Variants in DNAH7 observed in about 807,000 individuals in gnomAD.
DNAH7 encodes the protein dynein axonemal heavy chain 7.
Under a neutral mutation model 444.6 loss-of-function variants are expected in DNAH7, and 397 were observed. The ratio of observed to expected loss-of-function variants is 0.89; its 90% confidence interval spans 0.82 to 0.97. The LOEUF (loss-of-function observed/expected upper bound fraction) is 0.97. Ranked by LOEUF, DNAH7 falls within the 50% of genes least tolerant of loss-of-function variation. The pLI, the probability that DNAH7 is intolerant of heterozygous loss-of-function variation, is 0.00. For synonymous variants in DNAH7, 1,636 were observed against 1,624.4 expected (o/e 1.01, Z -0.17); for missense variants, 4,902 against 4,800.8 (o/e 1.02, Z -0.62).
chr2:195,911,955 A>T (rs1182025176), intron 24 of DNAH7, among the ~76,000 whole-genome samples: 2 of 152,200 alleles, frequency 1.3e-5, no homozygotes. Context: ...ATTAATAGTA[A>T]AAAATATGTA....
At chr2:195,900,801 T>G (rs1353246190) in intron 27 of DNAH7, 2 of 212,122 alleles carry the variant, frequency 9.4e-6, no homozygotes, top group African/African-American at 4.7e-5. Flanking sequence ...AGAGAAGAAT[T>G]TGAATGTTTC....
intron 54 of DNAH7, among the ~76,000 whole-genome samples, chr2:195,803,818 CTCT>C (rs1326101951): frequency 6.6e-6 from 1 of 152,208 alleles, no homozygotes; most frequent in African/African-American, 2.4e-5. Flanking sequence ...TGGCCAGAAG[CTCT>C]TCATTTTGTA....
At chr2:196,009,622 A>C (rs1212575063) in intron 10 of DNAH7, among the ~76,000 whole-genome samples, 1 of 152,186 alleles carries the variant, frequency 6.6e-6, no homozygotes, top group Non-Finnish European at 1.5e-5. Context: ...TGTGTTGAGG[A>C]ATACCTAAAA....
At position 195,796,643 on chromosome 2, in the gene DNAH7, G is replaced by A. The variant is rs779073817; in HGVS notation, c.10448C>T (p.Thr3483Ile). ...GTGACAATTCTGAAGAACAACCCAT[G>A]TTCCTTCCTTGACAGCTTTTTCTAA... ...KMLEKAVKEG[T>I]WVVLQNCHLA... Residue 3483 changes from threonine (T) to isoleucine (I), a missense_variant, in exon 56 of 65, where the codon ACA becomes ATA. Coordinates refer to ENST00000312428, the MANE Select transcript of DNAH7 (RefSeq NM_018897.3). 6 of 1,614,168 alleles carry A rather than the reference G, an allele frequency of 3.7e-6. No individual in the cohort carries two copies. In the South Asian group the frequency reaches 6.6e-5, roughly 18 times the overall value.
intron 19 of DNAH7, among the ~76,000 whole-genome samples, chr2:195,953,005 A>T (rs969124861): frequency 7.9e-5 from 12 of 152,072 alleles, no homozygotes; most frequent in African/African-American, 2.9e-4. Flanking sequence ...TTTGGAGGAG[A>T]AGAGGCATTC....
chr2:196,019,125 T>G, intron 9 of DNAH7, 45 bp downstream of exon 9: 1 of 1,378,152 alleles, frequency 7.3e-7, no homozygotes, highest in African/African-American at 1.5e-5. Flanking sequence ...GTAAAACAAC[T>G]TCCCTCTATA....
intron 45 of DNAH7, 52 bp downstream of exon 45, chr2:195,855,759 C>T: frequency 6.3e-7 from 1 of 1,589,442 alleles, no homozygotes; most frequent in Non-Finnish European, 8.6e-7. Context: ...GAACATCATT[C>T]TTAGTTACGA....
At chr2:195,972,155 C>T (rs906239604) in intron 16 of DNAH7, 87 bp downstream of exon 16, 9 of 1,114,966 alleles carry the variant, frequency 8.1e-6, no homozygotes, top group African/African-American at 1.6e-5. Flanking sequence ...AAAGTATGCA[C>T]TCAAATAAAA....
At chr2:195,781,445 T>A (rs1481407981) in intron 58 of DNAH7, among the ~76,000 whole-genome samples, 1 of 152,082 alleles carries the variant, frequency 6.6e-6, no homozygotes, top group Non-Finnish European at 1.5e-5. Context: ...CCAGGGCCAA[T>A]TAAATTGAGG....
At chr2:196,050,934 A>T (rs1199652697) in intron 3 of DNAH7, among the ~76,000 whole-genome samples, 1 of 152,204 alleles carries the variant, frequency 6.6e-6, no homozygotes, top group East Asian at 1.9e-4. Context: ...TCCAACGCTA[A>T]TACTCCTTTT....
At chr2:196,018,043 C>T (rs1487074867) in intron 9 of DNAH7, among the ~76,000 whole-genome samples, 1 of 152,046 alleles carries the variant, frequency 6.6e-6, no homozygotes, top group Non-Finnish European at 1.5e-5. Context: ...TGATTTGTTT[C>T]AGGTACTAGA....
At position 195,839,002 on chromosome 2, in the gene DNAH7, T is replaced by C. The variant is rs541386079; in HGVS notation, c.8946-4642A>G. 2.0e-5 allele frequency among the ~76,000 whole-genome samples: 3 copies of C among 151,994 alleles called. No individual in the cohort carries two copies. The South Asian group carries it at 6.2e-4, about 32-fold the overall frequency. ...AAAACTAGCAAGGATATTGAAGCCA[T>C]GAACAACAGTATCAAGCAATTCAAC... On this transcript the variant is annotated intron_variant, in intron 47 of 64. Coordinates refer to ENST00000312428, the MANE Select transcript of DNAH7 (RefSeq NM_018897.3).
At chr2:195,854,446 T>C (rs1022379590) in intron 45 of DNAH7, among the ~76,000 whole-genome samples, 3 of 152,236 alleles carry the variant, frequency 2.0e-5, no homozygotes, top group Admixed American at 6.5e-5. Context: ...TGTATAATTC[T>C]GTATCAATTT....
Position 195,873,632 on chromosome 2 carries a change from C to T in DNAH7, c.6349G>A (p.Glu2117Lys), listed in dbSNP as rs769204109. ...GTATACATGGATTTATCACTAAACT[C>T]ATTGATTGTTATAATATTGAAATGT... is the stretch of plus-strand genomic sequence containing the variant. ...MRHFNIITIN[E>K]FSDKSMYTIF... Residue 2117 changes from glutamate to lysine, a missense_variant, in exon 39 of 65, where the codon GAG becomes AAG. Coordinates refer to ENST00000312428, the MANE Select transcript of DNAH7 (RefSeq NM_018897.3). 1 of 1,527,630 alleles carries T rather than the reference C, an allele frequency of 6.5e-7. No individual in the cohort carries two copies. Among genetic ancestry groups the T allele is most frequent in the South Asian group, 1.3e-5 (1 of 76,268 alleles). The allele number at this position is 1,527,630 out of a possible 1,614,324, so 94.6% of individuals were successfully genotyped here.
At chr2:195,749,147 C>G (rs1693622747) in intron 63 of DNAH7, among the ~76,000 whole-genome samples, 1 of 152,120 alleles carries the variant, frequency 6.6e-6, no homozygotes, top group African/African-American at 2.4e-5. Flanking sequence ...AAGAAAAAAA[C>G]AACCCCATCA....
intron 5 of DNAH7, among the ~76,000 whole-genome samples, chr2:196,034,086 A>G (rs1367422440): frequency 6.6e-6 from 1 of 152,242 alleles, no homozygotes; most frequent in African/African-American, 2.4e-5. Context: ...AAAAGAAAAA[A>G]GCATCCAAGT....
rs1319919589 is a variant in DNAH7, at chr2:196,047,444, A to G, written c.306T>C (p.Asp102=). 1 of 1,604,220 alleles carries G rather than the reference A, an allele frequency of 6.2e-7. No individual in the cohort carries two copies. The change falls in exon 5 of 65, where the codon GAT becomes GAC. Residue 102 remains aspartate, a synonymous_variant. Transcript: ENST00000312428. ...KKGKLPHQVD[D]SYVGPSTSKS... ...TGGAAGTAGATGGTCCAACATAACT[A>G]TCATCAACTTGGTGGGGTAATTTGC... is the stretch of plus-strand genomic sequence containing the variant.
At chr2:196,068,186 T>C (rs1698533815) in intron 1 of DNAH7, among the ~76,000 whole-genome samples, 1 of 152,242 alleles carries the variant, frequency 6.6e-6, no homozygotes, top group Non-Finnish European at 1.5e-5. Flanking sequence ...ATTGTATAGT[T>C]ATGGTATGGC....
At chr2:195,755,670 T>C (rs10204401) in intron 62 of DNAH7, among the ~76,000 whole-genome samples, 1 of 152,222 alleles carries the variant, frequency 6.6e-6, no homozygotes, top group Non-Finnish European at 1.5e-5. Flanking sequence ...GAGTTGTTAA[T>C]AAGAACATAG....
Sources: gnomAD v4.1 joint callset for allele counts (sites outside exome capture counted in the v4.1 genomes callset) on GRCh38, gnomAD v4.1.1 for gene constraint, MANE v1.5 for transcripts, NCBI Gene and HGNC (gene_info 2026-07-23, HGNC 2026-07-21) for gene names.